PHF21B: variants seen among roughly 807,000 people sequenced by gnomAD.
PHF21B encodes PHD finger protein 21B.
A neutral mutation model predicts 62.2 loss-of-function variants in PHF21B; 22 were observed. The observed-to-expected ratio is 0.35, with a 90% confidence interval of 0.25 to 0.51. The LOEUF (loss-of-function observed/expected upper bound fraction) is 0.51, where lower values mean the gene tolerates loss of function less well. Ranked by LOEUF, PHF21B falls within the 20% of genes least tolerant of loss-of-function variation. The probability of loss-of-function intolerance (pLI) is 0.97; values close to 1 mark genes in which losing one functional copy is unlikely to be tolerated. For synonymous variants in PHF21B, 341 were observed against 314.7 expected (o/e 1.08, Z -0.88); for missense variants, 701 against 707.9 (o/e 0.99, Z 0.11).
chr22:44,888,320 A>AG (rs964875526), intron 9 of PHF21B, among the ~76,000 whole-genome samples, 199 bp from the exon 10 acceptor site: 1 of 151,910 alleles, frequency 6.6e-6, no homozygotes, highest in Non-Finnish European at 1.5e-5. Flanking sequence ...CCCTGGGAGG[A>AG]GGGGGGGCAC....
At chr22:44,958,110 T>A (rs1319036750) in intron 2 of PHF21B, among the ~76,000 whole-genome samples, 2 of 152,096 alleles carry the variant, frequency 1.3e-5, no homozygotes, top group Non-Finnish European at 2.9e-5. Flanking sequence ...CTCCATTTGG[T>A]CAGGCTGGTC....
intron 2 of PHF21B, among the ~76,000 whole-genome samples, chr22:44,985,817 C>G (rs573746892): frequency 6.6e-6 from 1 of 152,146 alleles, no homozygotes; most frequent in African/African-American, 2.4e-5. Flanking sequence ...CCATCACCAT[C>G]ACCATCACCA....
intron 2 of PHF21B, among the ~76,000 whole-genome samples, chr22:45,004,921 G>T (rs2073288297): frequency 6.6e-6 from 1 of 152,242 alleles, no homozygotes; most frequent in South Asian, 2.1e-4. Context: ...CACCTCCGGG[G>T]TCCTTCTCAT....
intron 6 of PHF21B, among the ~76,000 whole-genome samples, chr22:44,895,759 G>A (rs1377880025): frequency 1.3e-5 from 2 of 152,174 alleles, no homozygotes; most frequent in Admixed American, 6.5e-5. Flanking sequence ...ATGGAGCCAG[G>A]GCGAGTCTGG....
At chr22:45,000,921 C>A (rs2073205790) in intron 2 of PHF21B, 1 of 152,186 alleles carries the variant, frequency 6.6e-6, no homozygotes, top group Admixed American at 6.5e-5. Context: ...CTGCTGATTT[C>A]ATCGCAATCA....
chr22:44,928,637 C>T (rs1046809311), intron 2 of PHF21B, among the ~76,000 whole-genome samples: 2 of 152,146 alleles, frequency 1.3e-5, no homozygotes, highest in South Asian at 2.1e-4. Flanking sequence ...CTCGAACTCC[C>T]GACCTCAAAC....
chr22:44,937,655 A>C (rs1256861434), intron 2 of PHF21B, among the ~76,000 whole-genome samples: 3 of 152,258 alleles, frequency 2.0e-5, no homozygotes, highest in African/African-American at 7.2e-5. Flanking sequence ...CTTTATTCAT[A>C]ATCTCTTAAA....
chr22:44,958,483 T>G (rs1053080896), intron 2 of PHF21B, among the ~76,000 whole-genome samples: 1 of 152,126 alleles, frequency 6.6e-6, no homozygotes, highest in Non-Finnish European at 1.5e-5. Flanking sequence ...TATCTGAAAC[T>G]CCTTAGTTAG....
At chr22:44,909,167 T>C (rs2071302952) in intron 5 of PHF21B, among the ~76,000 whole-genome samples, 1 of 152,276 alleles carries the variant, frequency 6.6e-6, no homozygotes, top group Non-Finnish European at 1.5e-5. Flanking sequence ...GCAAGTTCTA[T>C]CTATCTAAGT....
intron 2 of PHF21B, among the ~76,000 whole-genome samples, chr22:44,976,316 T>G (rs931159038): frequency 6.6e-6 from 1 of 152,202 alleles, no homozygotes; most frequent in African/African-American, 2.4e-5. Context: ...TTCTTTGTGG[T>G]GAGAACACTC....
chr22:44,918,084 C>T (rs758492610), intron 3 of PHF21B, among the ~76,000 whole-genome samples: 4 of 152,260 alleles, frequency 2.6e-5, no homozygotes, highest in Admixed American at 6.5e-5. Flanking sequence ...GCCAGGCTTA[C>T]AGCCCAACAG....
chr22:45,008,416 AG>A (rs2073365715), intron 2 of PHF21B, 128 bp downstream of exon 2: 1 of 817,446 alleles, frequency 1.2e-6, no homozygotes, highest in Non-Finnish European at 1.7e-6. Context: ...GGGAACTTTG[AG>A]AACTGGAGAC....
intron 2 of PHF21B, among the ~76,000 whole-genome samples, chr22:44,934,510 GTCAGGAAC>G (rs1202585458): frequency 6.6e-5 from 10 of 152,158 alleles, no homozygotes; most frequent in African/African-American, 1.9e-4. Flanking sequence ...GGATGGCGTG[GTCAGGAAC>G]AGAGCCCTCC....
At chr22:44,904,946 G>C (rs969531111) in intron 5 of PHF21B, among the ~76,000 whole-genome samples, 5 of 152,170 alleles carry the variant, frequency 3.3e-5, no homozygotes, top group African/African-American at 9.7e-5. Flanking sequence ...GAGGCCCCCG[G>C]CACATCTGTC....
intron 12 of PHF21B, among the ~76,000 whole-genome samples, chr22:44,884,183 TACC>T (rs1161790363): frequency 6.7e-5 from 3 of 44,744 alleles, no homozygotes; most frequent in Admixed American, 2.0e-4. Flanking sequence ...CCACCATCAT[TACC>T]ACCATCACCA....
intron 2 of PHF21B, among the ~76,000 whole-genome samples, chr22:44,975,696 A>G (rs2147461360): frequency 6.6e-6 from 1 of 152,316 alleles, no homozygotes; most frequent in Admixed American, 6.5e-5. Context: ...AGGGAAGCCC[A>G]CGGCCACGCC....
chr22:44,950,468 A>C (rs2072171052), intron 2 of PHF21B, among the ~76,000 whole-genome samples: 2 of 152,192 alleles, frequency 1.3e-5, no homozygotes, highest in South Asian at 4.1e-4. Context: ...CAGTAAAGGG[A>C]TTCCTAGCTT....
intron 2 of PHF21B, among the ~76,000 whole-genome samples, chr22:44,964,460 A>G (rs1688063950): frequency 6.6e-6 from 1 of 151,944 alleles, no homozygotes; most frequent in South Asian, 2.1e-4. Flanking sequence ...GGCGCAGAGG[A>G]GGACCACTCC....
intron 5 of PHF21B, among the ~76,000 whole-genome samples, chr22:44,903,969 C>A (rs1483925379): frequency 6.6e-6 from 1 of 152,126 alleles, no homozygotes. Context: ...CTTATTTCCT[C>A]TACTTTATTT....
Sources: gnomAD v4.1 joint callset for allele counts (sites outside exome capture counted in the v4.1 genomes callset) on GRCh38, gnomAD v4.1.1 for gene constraint, MANE v1.5 for transcripts, NCBI Gene and HGNC (gene_info 2026-07-23, HGNC 2026-07-21) for gene names.